The following MYO1F variants were observed in gnomAD, a reference collection of about 807,000 sequenced individuals.
The protein encoded by MYO1F is myosin IF.
In MYO1F, 60 loss-of-function variants were observed where a neutral mutation model predicts 146.6. The ratio of observed to expected loss-of-function variants is 0.41; its 90% confidence interval spans 0.33 to 0.51. The LOEUF is 0.51. Ranked by LOEUF, MYO1F falls within the 20% of genes least tolerant of loss-of-function variation. The pLI is 0.25. For synonymous variants in MYO1F, 602 were observed against 602.1 expected (o/e 1.00, Z 0.00); for missense variants, 1,274 against 1,534.3 (o/e 0.83, Z 2.83).
chr19:8,525,956 A>G (rs1467088674), intron 24 of MYO1F, among the ~76,000 whole-genome samples: 1 of 150,540 alleles, frequency 6.6e-6, no homozygotes, highest in African/African-American at 2.4e-5. Flanking sequence ...CCGCCCCACT[A>G]TTTTGATTGG....
chr19:8,571,787 C>T (rs797043348), intron 1 of MYO1F, among the ~76,000 whole-genome samples: 6 of 151,984 alleles, frequency 3.9e-5, no homozygotes, highest in African/African-American at 1.4e-4. Flanking sequence ...TTAGTAGAGA[C>T]GGGGTTTCAC....
chr19:8,553,950 T>C (rs1973736397), intron 4 of MYO1F, among the ~76,000 whole-genome samples: 3 of 151,014 alleles, frequency 2.0e-5, no homozygotes, highest in Non-Finnish European at 4.4e-5. Flanking sequence ...TCTGCTCTCA[T>C]AGAGCTGGCA....
intron 14 of MYO1F, chr19:8,544,000 T>TGGTGGC (rs1176648618): frequency 0.065 from 10,047 of 153,558 alleles, 596 homozygotes; most frequent in East Asian, 0.13. Context: ...GTGGTGCTGG[T>TGGTGGC]GGTGGCGGTG....
At chr19:8,562,257 TC>T (rs1323639880) in intron 1 of MYO1F, among the ~76,000 whole-genome samples, 2 of 151,992 alleles carry the variant, frequency 1.3e-5, no homozygotes, top group Non-Finnish European at 2.9e-5. Flanking sequence ...CGCCTTGGCC[TC>T]ACAAAGCACT....
chr19:8,544,604 G>T, intron 13 of MYO1F, 140 bp from the exon 14 acceptor site: 2 of 877,384 alleles, frequency 2.3e-6, no homozygotes, highest in Non-Finnish European at 3.5e-6. Context: ...GGGCACCAGG[G>T]GCTTCAAATA....
intron 12 of MYO1F, 50 bp downstream of exon 12, chr19:8,547,986 A>T: frequency 1.2e-6 from 1 of 837,532 alleles, no homozygotes; most frequent in Non-Finnish European, 2.1e-6. Flanking sequence ...TGGTCCTTCC[A>T]CCCCACCCCC....
At chr19:8,555,961 C>T (rs1973836031) in intron 1 of MYO1F, among the ~76,000 whole-genome samples, 165 bp from the exon 2 acceptor site, 1 of 151,930 alleles carries the variant, frequency 6.6e-6, no homozygotes, top group Non-Finnish European at 1.5e-5. Context: ...AGGCCCCCTG[C>T]CCCAGACAGA....
Position 8,540,025 on chromosome 19 carries a change from G to A in MYO1F, c.1614C>T (p.Ala538=). ...TCTCGGGGAAGAGCATCCGGAGGAA[G>A]GCCCTGGGTAGGAAAGGGGAGAGGA... The part of the protein sequence containing the change: ...LIELMQTSEQ[A]FLRMLFPEKL... Residue 538 remains alanine, a synonymous_variant, in exon 16 of 28, where the codon GCC becomes GCT. Coordinates refer to ENST00000644032, the MANE Select transcript of MYO1F (RefSeq NM_012335.4). The A allele has an allele frequency of 6.2e-7, 1 of 1,610,958 alleles. No homozygotes were observed. The highest frequency in any genetic ancestry group is 1.1e-5 in the South Asian group (1 of 90,846).
In MYO1F at chr19:8,567,000, T is replaced by G. The variant is rs576244272; in HGVS notation, c.3+10307A>C. 4.6e-5 allele frequency among the ~76,000 whole-genome samples: 7 copies of G among 151,822 alleles called. No individual in the cohort carries two copies. In the South Asian group the frequency reaches 1.5e-3, roughly 32 times the overall value. ...CCTGGTCTAAGCTTTTTATGTGAAT[T>G]ACTTCATCTTATCCTTTCAACACAC... is the stretch of plus-strand genomic sequence containing the variant. On this transcript the variant is annotated intron_variant, in intron 1 of 27. Coordinates refer to ENST00000644032, the MANE Select transcript of MYO1F (RefSeq NM_012335.4).
At position 8,526,566 on chromosome 19, in the gene MYO1F, C is replaced by T; in HGVS notation, c.2657G>A (p.Gly886Asp). 1.9e-6 allele frequency: 3 copies of T among 1,598,110 alleles called. No homozygotes were observed. Among genetic ancestry groups the T allele is most frequent in the Non-Finnish European group, 2.6e-6 (3 of 1,174,544 alleles). Residue 886 changes from glycine (G) to aspartate (D), a missense_variant, in exon 24 of 28, where the codon GGT (glycine) becomes GAT (aspartate). Gly to Asp is a moderately conservative substitution (Grantham distance 94). This residue lies in a region of MYO1F where 374 missense variants were observed against 379.2 expected (regional missense o/e 0.99). Coordinates refer to ENST00000644032, the MANE Select transcript of MYO1F (RefSeq NM_012335.4). ...QFRVKKEGWG[G>D]GGTRSVTFSR... ...GAAGGTGACGCTGCGGGTGCCGCCA[C>T]CGCCCCAGCCCTCCTTCTTCACCCG...
chr19:8,526,284 G>T (rs2145827317), intron 24 of MYO1F, among the ~76,000 whole-genome samples, 169 bp downstream of exon 24: 1 of 152,240 alleles, frequency 6.6e-6, no homozygotes, highest in South Asian at 2.1e-4. Context: ...CCAAGATCGT[G>T]CCACAACACT....
intron 19 of MYO1F, among the ~76,000 whole-genome samples, chr19:8,532,366 A>T (rs887846592): frequency 6.6e-6 from 1 of 152,168 alleles, no homozygotes; most frequent in Non-Finnish European, 1.5e-5. Flanking sequence ...AAGTCAAAGT[A>T]CAAAGTCTAA....
chr19:8,553,573 G>T, intron 4 of MYO1F, 136 bp from the exon 5 acceptor site: 1 of 734,106 alleles, frequency 1.4e-6, no homozygotes, highest in Non-Finnish European at 2.4e-6. Flanking sequence ...GAACAAGACA[G>T]ATAAAATCTC....
At chr19:8,522,124 GC>G (rs1972082576) in intron 27 of MYO1F, among the ~76,000 whole-genome samples, 1 of 150,694 alleles carries the variant, frequency 6.6e-6, no homozygotes, top group African/African-American at 2.4e-5. Context: ...CCGGGTTCAT[GC>G]CATTCTCCTG....
chr19:8,546,088 G>C (rs1172850011), intron 12 of MYO1F, among the ~76,000 whole-genome samples: 2 of 134,054 alleles, frequency 1.5e-5, no homozygotes, highest in Non-Finnish European at 3.1e-5. Context: ...TTTTGAGATG[G>C]AGTTTCACTC....
chr19:8,529,989 A>C, intron 21 of MYO1F: 1 of 686,338 alleles, frequency 1.5e-6, no homozygotes, highest in Non-Finnish European at 2.6e-6. Context: ...GTGCCAGGTG[A>C]GGGTATACCT....
In MYO1F at chr19:8,523,922, A is replaced by C. The variant is rs543355028; in HGVS notation, c.2855-1093T>G. Among the ~76,000 whole-genome samples, 511 of 148,924 alleles carry C rather than the reference A, an allele frequency of 3.4e-3. 3 individuals are homozygous for C. The highest frequency in any genetic ancestry group is 0.012 in the African/African-American group (497 of 40,296). ...GATCACGAGGTCTGGAGTTTGAGACAAGCCTGGCCAACATAGTGAAACTCT... is the reference window on the plus strand; with the variant it reads ...GATCACGAGGTCTGGAGTTTGAGACCAGCCTGGCCAACATAGTGAAACTCT... On this transcript the variant is annotated intron_variant, in intron 25 of 27. Coordinates refer to ENST00000644032, the MANE Select transcript of MYO1F (RefSeq NM_012335.4).
intron 1 of MYO1F, among the ~76,000 whole-genome samples, chr19:8,573,503 A>T (rs547827789): frequency 2.6e-5 from 4 of 152,174 alleles, no homozygotes; most frequent in African/African-American, 9.6e-5. Context: ...AGCCTTCCTT[A>T]CATTCTCCCA....
rs1568348839 is a variant in MYO1F, at chr19:8,543,756, GTGGTGGTGGTGC to G, written c.1524+529_1524+540del. ...GGTGCTGGTGGTGCTGGTGGTGGTG[GTGGTGGTGGTGC>G]TGGTGGTGCTGGTGGTGCTGGTGGT... On this transcript the variant is annotated intron_variant, in intron 14 of 27. Transcript: ENST00000644032. 2.4e-3 allele frequency among the ~76,000 whole-genome samples: 23 copies of G among 9,750 alleles called. 4 individuals are homozygous for G. The highest frequency in any genetic ancestry group is 2.9e-3 in the Admixed American group (3 of 1,034). 6.4% of individuals were successfully genotyped at this position (9,750 alleles called of 152,430 possible).
Sources: allele counts gnomAD v4.1 joint callset (sites outside exome capture counted in the v4.1 genomes callset), GRCh38; gene constraint gnomAD v4.1.1; regional missense constraint gnomAD v4.1.1; transcripts MANE v1.5; gene names NCBI Gene and HGNC (gene_info 2026-07-23, HGNC 2026-07-21).